The following PKHD1 variants were observed in gnomAD, a reference collection of about 807,000 sequenced individuals.
PKHD1 encodes the protein PKHD1 ciliary IPT domain containing fibrocystin/polyductin, also known as fibrocystin.
PKHD1 carries 291 observed loss-of-function variants against 412.0 expected under a neutral mutation model. The ratio of observed to expected loss-of-function variants is 0.71; its 90% confidence interval spans 0.64 to 0.78. The LOEUF (loss-of-function observed/expected upper bound fraction) is 0.78. Ranked by LOEUF, PKHD1 falls within the 30% of genes least tolerant of loss-of-function variation. The pLI is 0.00. For missense variants in PKHD1, 4,825 were observed against 4,950.7 expected (o/e 0.97, Z 0.76); for synonymous variants, 1,777 against 1,821.5 (o/e 0.98, Z 0.62).
intron 60 of PKHD1, among the ~76,000 whole-genome samples, chr6:51,704,523 A>T (rs1384983791): frequency 6.6e-6 from 1 of 152,116 alleles, no homozygotes; most frequent in African/African-American, 2.4e-5. Flanking sequence ...GCTATAGCTC[A>T]GGTAAAAGCT....
Position 51,648,126 on chromosome 6 carries a change from T to C in PKHD1, c.11311-8A>G, listed in dbSNP as rs201733977. ...GGACTCTACTCTTCGATTCTAGAAA[T>C]GGGAATAGGAGGAGGGAGGAAGAAA... On this transcript the variant is annotated splice_polypyrimidine_tract_variant and splice_region_variant and intron_variant, in intron 62 of 66. Transcript: ENST00000371117. 8 of 1,516,938 alleles carry C rather than the reference T, an allele frequency of 5.3e-6. No individual in the cohort carries two copies. In the Middle Eastern group the frequency reaches 5.1e-4, roughly 97 times the overall value. The allele number at this position is 1,516,938 out of a possible 1,614,324, so 94.0% of individuals were successfully genotyped here. A position where few individuals can be genotyped will look rare whatever the true frequency, so the allele number is the denominator to read the frequency against.
intron 61 of PKHD1, among the ~76,000 whole-genome samples, chr6:51,651,051 G>C (rs1274722474): frequency 1.3e-5 from 2 of 152,104 alleles, no homozygotes; most frequent in Non-Finnish European, 2.9e-5. Context: ...TAAAGAGACT[G>C]AAAGACCCCA....
chr6:52,022,917 A>G lies in PKHD1; in HGVS notation c.5264T>C (p.Val1755Ala). 2 of 1,614,136 alleles carry G rather than the reference A, an allele frequency of 1.2e-6. No homozygotes were observed. Among genetic ancestry groups the G allele is most frequent in the South Asian group, 1.1e-5 (1 of 91,074 alleles). ...FGCLGGRLVHVFGAGFSPGNV... is the reference protein window; with the variant it reads ...FGCLGGRLVHAFGAGFSPGNV... ...CCCTGGAGAAAATCCCGCTCCAAAC[A>G]CATGCACCAGCCTTCCACCCAGGCA... Residue 1755 changes from valine (V) to alanine (A), a missense_variant, in exon 33 of 67, where the codon GTG (valine) becomes GCG (alanine). Transcript: ENST00000371117.
intron 64 of PKHD1, among the ~76,000 whole-genome samples, chr6:51,637,457 TATA>T (rs1230862799): frequency 6.6e-6 from 1 of 152,166 alleles, no homozygotes; most frequent in Non-Finnish European, 1.5e-5. Context: ...CATGAAAACA[TATA>T]ATGAGCACTT....
chr6:51,874,736 G>A (rs921823236), intron 46 of PKHD1, among the ~76,000 whole-genome samples: 3 of 149,522 alleles, frequency 2.0e-5, no homozygotes, highest in Non-Finnish European at 4.4e-5. Flanking sequence ...AGACCATCCT[G>A]GCTAACATGT....
At chr6:51,663,904 T>C (rs888959377) in intron 60 of PKHD1, among the ~76,000 whole-genome samples, 5 of 152,164 alleles carry the variant, frequency 3.3e-5, no homozygotes, top group African/African-American at 1.2e-4. Context: ...TATCTCATAG[T>C]TGATTTGTCC....
intron 4 of PKHD1, among the ~76,000 whole-genome samples, chr6:52,080,337 T>C (rs1193680267): frequency 1.3e-5 from 2 of 152,188 alleles, no homozygotes; most frequent in Non-Finnish European, 2.9e-5. Context: ...TTTCAAAAAA[T>C]GTCAGAAAAA....
intron 48 of PKHD1, among the ~76,000 whole-genome samples, chr6:51,857,578 A>C (rs1240286497): frequency 1.3e-5 from 2 of 152,334 alleles, no homozygotes; most frequent in African/African-American, 4.8e-5. Context: ...CAACAATAGA[A>C]TAGATCTCAT....
chr6:51,787,989 C>A (rs1414715007), intron 53 of PKHD1, among the ~76,000 whole-genome samples: 1 of 152,068 alleles, frequency 6.6e-6, no homozygotes, highest in Non-Finnish European at 1.5e-5. Context: ...AACAAATGGG[C>A]AAATGGCAGT....
chr6:52,022,226 G>T (rs1217055647), intron 33 of PKHD1, among the ~76,000 whole-genome samples: 1 of 152,186 alleles, frequency 6.6e-6, no homozygotes, highest in Non-Finnish European at 1.5e-5. Flanking sequence ...GCAGCTTAAA[G>T]TAGTGAGCAA....
intron 60 of PKHD1, among the ~76,000 whole-genome samples, chr6:51,677,463 C>A (rs1582024216): frequency 6.6e-6 from 1 of 152,164 alleles, no homozygotes; most frequent in East Asian, 1.9e-4. Flanking sequence ...ATATATGCAT[C>A]TGCAGGTGTA....
chr6:51,764,105 C>G (rs79667510), intron 55 of PKHD1, among the ~76,000 whole-genome samples: 23,188 of 132,446 alleles, frequency 0.18, 2,061 homozygotes, highest in African/African-American at 0.28. Context: ...CCCCCCTCCC[C>G]CCACCCCACC....
intron 35 of PKHD1, among the ~76,000 whole-genome samples, chr6:51,979,066 C>T (rs188728449): frequency 7.2e-5 from 11 of 152,218 alleles, no homozygotes; most frequent in African/African-American, 2.4e-4. Flanking sequence ...CTGACTTGTC[C>T]CGTCCTTAAT....
chr6:51,868,036 A>C lies in PKHD1; in HGVS notation c.7560T>G (p.His2520Gln). 1 of 1,612,194 alleles carries C rather than the reference A, an allele frequency of 6.2e-7. No homozygotes were observed. The highest frequency in any genetic ancestry group is 2.2e-5 in the East Asian group (1 of 44,866). Residue 2520 changes from histidine to glutamine, a missense_variant, in exon 48 of 67, where the codon CAT (histidine) becomes CAG (glutamine). Coordinates refer to ENST00000371117, the MANE Select transcript of PKHD1 (RefSeq NM_138694.4). ...SSNLVAFPFP[H>Q]AAILEDLDGS... ...CATCCAAGTCTTCCAAAATTGCTGC[A>C]TGAGGAAATGGAAATGCCACTAAGT...
At chr6:52,019,696 T>C (rs1801125122) in intron 33 of PKHD1, among the ~76,000 whole-genome samples, 1 of 152,190 alleles carries the variant, frequency 6.6e-6, no homozygotes, top group Non-Finnish European at 1.5e-5. Context: ...ATGGAAAAGT[T>C]AAAGTTTCCA....
At chr6:51,823,991 A>G (rs568966156) in intron 52 of PKHD1, among the ~76,000 whole-genome samples, 2 of 152,220 alleles carry the variant, frequency 1.3e-5, no homozygotes, top group African/African-American at 2.4e-5. Flanking sequence ...TTAGGGGTCA[A>G]CTTAAAACAC....
At chr6:51,987,924 A>G (rs1796409404) in intron 35 of PKHD1, among the ~76,000 whole-genome samples, 1 of 152,122 alleles carries the variant, frequency 6.6e-6, no homozygotes, top group Non-Finnish European at 1.5e-5. Flanking sequence ...GTAGTCACCT[A>G]ATTTCCCTGA....
intron 35 of PKHD1, among the ~76,000 whole-genome samples, chr6:51,981,340 C>G (rs1488831259): frequency 5.0e-5 from 4 of 79,508 alleles, no homozygotes; most frequent in East Asian, 3.1e-4. Flanking sequence ...TCTCCCTCTC[C>G]CTCTCCCTCT....
intron 55 of PKHD1, 114 bp from the exon 56 acceptor site, chr6:51,755,052 C>G: frequency 1.1e-6 from 1 of 916,596 alleles, no homozygotes; most frequent in African/African-American, 1.6e-5. Context: ...ACCAGAGAAA[C>G]TGAAATAGAA....
Sources: allele counts gnomAD v4.1 joint callset (sites outside exome capture counted in the v4.1 genomes callset), GRCh38; gene constraint gnomAD v4.1.1; transcripts MANE v1.5; gene names NCBI Gene and HGNC (gene_info 2026-07-23, HGNC 2026-07-21).